FAR2: variants seen among roughly 807,000 people sequenced by gnomAD.
FAR2 encodes the protein fatty acyl-CoA reductase 2.
FAR2 carries 19 observed loss-of-function variants against 56.0 expected under a neutral mutation model. The ratio of observed to expected loss-of-function variants is 0.34; its 90% CI spans 0.24 to 0.50. The LOEUF is 0.50. FAR2 is among the 20% of genes least tolerant of loss of function. The pLI is 0.98. For synonymous variants in FAR2, 219 were observed against 218.8 expected (o/e 1.00, Z -0.01); for missense variants, 508 against 642.2 (o/e 0.79, Z 2.26).
At chr12:29,281,019 G>A (rs1948776023) in intron 2 of FAR2, 1 of 152,220 alleles carries the variant, frequency 6.6e-6, no homozygotes, top group Non-Finnish European at 1.5e-5. Flanking sequence ...ACACATAGAA[G>A]ACACTCATTC....
chr12:29,323,643 G>C (rs913471519), intron 10 of FAR2, among the ~76,000 whole-genome samples: 2 of 152,184 alleles, frequency 1.3e-5, no homozygotes, highest in African/African-American at 4.8e-5. Context: ...ACAGGGTCTG[G>C]AGTGGACCTC....
intron 1 of FAR2, among the ~76,000 whole-genome samples, chr12:29,233,771 A>G (rs1591875352): frequency 6.6e-6 from 1 of 152,062 alleles, no homozygotes; most frequent in South Asian, 2.1e-4. Context: ...AAATAAACAA[A>G]CCTCCTCTGG....
chr12:29,204,621 A>C (rs914281272), intron 1 of FAR2, among the ~76,000 whole-genome samples: 7 of 152,172 alleles, frequency 4.6e-5, no homozygotes, highest in East Asian at 1.9e-4. Context: ...GAGACTGGGT[A>C]ATTTACACAG....
At chr12:29,294,404 A>G (rs1265588451) in intron 3 of FAR2, among the ~76,000 whole-genome samples, 1 of 151,930 alleles carries the variant, frequency 6.6e-6, no homozygotes. Context: ...TTGGAGTGCA[A>G]TGGCAGGATC....
At chr12:29,187,843 C>T (rs530455170) in intron 1 of FAR2, among the ~76,000 whole-genome samples, 46 of 152,258 alleles carry the variant, frequency 3.0e-4, no homozygotes, top group African/African-American at 1.1e-3. Flanking sequence ...ACTCTGCTTC[C>T]CATTGTAGCA....
chr12:29,333,396 G>A (rs1172900803), intron 11 of FAR2: 33 of 456,730 alleles, frequency 7.2e-5, no homozygotes, highest in Non-Finnish European at 8.9e-5. Context: ...CTTGTAAATA[G>A]TTTCAAGTGG....
At chr12:29,302,215 G>C (rs1217364252) in intron 4 of FAR2, among the ~76,000 whole-genome samples, 3 of 128,358 alleles carry the variant, frequency 2.3e-5, no homozygotes, top group Non-Finnish European at 3.1e-5. Flanking sequence ...CTGGGCGACA[G>C]AGCGAGACTC....
intron 2 of FAR2, among the ~76,000 whole-genome samples, chr12:29,274,703 G>A (rs1948677589): frequency 6.6e-6 from 1 of 151,880 alleles, no homozygotes; most frequent in Non-Finnish European, 1.5e-5. Context: ...ACATTGTCTT[G>A]TGAAATTCCT....
At chr12:29,240,314 C>T (rs536950407) in intron 1 of FAR2, among the ~76,000 whole-genome samples, 23 of 152,286 alleles carry the variant, frequency 1.5e-4, no homozygotes, top group African/African-American at 5.3e-4. Flanking sequence ...TGTAGTTTCA[C>T]CATCAACTCC....
intron 1 of FAR2, among the ~76,000 whole-genome samples, chr12:29,153,540 G>A (rs1422118722): frequency 1.3e-5 from 2 of 152,198 alleles, no homozygotes; most frequent in Non-Finnish European, 2.9e-5. Context: ...ATTCACAGGT[G>A]TTGATAAAGA....
intron 1 of FAR2, among the ~76,000 whole-genome samples, chr12:29,210,770 G>A (rs1246507865): frequency 6.6e-6 from 1 of 152,116 alleles, no homozygotes; most frequent in African/African-American, 2.4e-5. Context: ...TGGCCAATAT[G>A]CTGGAACCCC....
At chr12:29,316,426 TAAA>T (rs1240119832) in intron 8 of FAR2, among the ~76,000 whole-genome samples, 1 of 152,168 alleles carries the variant, frequency 6.6e-6, no homozygotes, top group Non-Finnish European at 1.5e-5. Context: ...AAGATTCAAA[TAAA>T]ATGTTAAGAA....
intron 4 of FAR2, chr12:29,301,743 C>T (rs1380287291): frequency 6.6e-6 from 1 of 152,190 alleles, no homozygotes; most frequent in Non-Finnish European, 1.5e-5. Flanking sequence ...GACACTTCCA[C>T]AGACATTTAA....
chr12:29,241,148 T>A (rs1471814228), intron 1 of FAR2, among the ~76,000 whole-genome samples: 1 of 152,232 alleles, frequency 6.6e-6, no homozygotes, highest in African/African-American at 2.4e-5. Context: ...CCACTCTGAA[T>A]GTGTACTAAA....
chr12:29,332,316 C>G (rs1001268185), intron 10 of FAR2, among the ~76,000 whole-genome samples: 141 of 152,260 alleles, frequency 9.3e-4, no homozygotes, highest in African/African-American at 3.2e-3. Flanking sequence ...ACCAAGCCAA[C>G]CATAAGTTTT....
At chr12:29,296,562 C>T (rs1473419772) in intron 3 of FAR2, among the ~76,000 whole-genome samples, 1 of 152,136 alleles carries the variant, frequency 6.6e-6, no homozygotes, top group African/African-American at 2.4e-5. Context: ...TAGATTTTGA[C>T]ATCAATTTTC....
intron 1 of FAR2, among the ~76,000 whole-genome samples, chr12:29,268,325 C>G (rs1466958142): frequency 1.3e-5 from 2 of 152,140 alleles, no homozygotes; most frequent in Admixed American, 6.5e-5. Flanking sequence ...AAGATCTTCC[C>G]CACACCTCCA....
At chr12:29,323,492 C>A (rs577860190) in intron 10 of FAR2, among the ~76,000 whole-genome samples, 6 of 152,296 alleles carry the variant, frequency 3.9e-5, no homozygotes, top group Non-Finnish European at 7.3e-5. Flanking sequence ...CTGGGAGGCA[C>A]CCCCCAGTAG....
intron 1 of FAR2, among the ~76,000 whole-genome samples, chr12:29,204,405 C>T (rs1591849570): frequency 6.6e-6 from 1 of 152,084 alleles, no homozygotes; most frequent in Admixed American, 6.5e-5. Flanking sequence ...ATGAATCTGA[C>T]AGATAGTAAC....
Sources: allele counts gnomAD v4.1 joint callset (sites outside exome capture counted in the v4.1 genomes callset), GRCh38; gene constraint gnomAD v4.1.1; transcripts MANE v1.5; gene names NCBI Gene and HGNC (gene_info 2026-07-23, HGNC 2026-07-21).